Variants in FAM227B observed in about 807,000 individuals in gnomAD.
FAM227B encodes the protein family with sequence similarity 227 member B.
In FAM227B, 88 loss-of-function variants were observed where a neutral mutation model predicts 73.8. That is an observed-to-expected ratio of 1.19 (90% confidence interval 1.00 to 1.42). The LOEUF is 1.42. Among genes scored for constraint, FAM227B ranks in the 40% most tolerant of loss-of-function variants. The probability of loss-of-function intolerance (pLI) is 0.00; values close to 1 mark genes in which losing one functional copy is unlikely to be tolerated. For missense variants in FAM227B, 632 were observed against 590.9 expected (o/e 1.07, Z -0.72); for synonymous variants, 210 against 190.5 (o/e 1.10, Z -0.84).
chr15:49,386,913 T>C (rs2046917940), intron 11 of FAM227B, among the ~76,000 whole-genome samples: 1 of 151,896 alleles, frequency 6.6e-6, no homozygotes, highest in Non-Finnish European at 1.5e-5. Flanking sequence ...AATGGATGAA[T>C]TCCTGGAAAC....
At chr15:49,599,631 A>G (rs1201150750) in intron 3 of FAM227B, among the ~76,000 whole-genome samples, 1 of 152,000 alleles carries the variant, frequency 6.6e-6, no homozygotes, top group Non-Finnish European at 1.5e-5. Flanking sequence ...CATTATTTCC[A>G]TTTTCATTTA....
In FAM227B at chr15:49,414,157, T is replaced by C. The variant is rs561077068; in HGVS notation, c.1013-42758A>G. ...ATACAGAGTAAGTGTTGATTTAAAGTAATTAGCTGAGTTATCAGTTAACTA... is the reference window on the plus strand; with the variant it reads ...ATACAGAGTAAGTGTTGATTTAAAGCAATTAGCTGAGTTATCAGTTAACTA... On this transcript the variant is annotated intron_variant, in intron 11 of 15. Coordinates refer to ENST00000299338, the MANE Select transcript of FAM227B (RefSeq NM_152647.3). Among the ~76,000 whole-genome samples the C allele has an allele frequency of 1.1e-4, 17 of 152,238 alleles. No individual in the cohort carries two copies. The South Asian group carries it at 2.9e-3, about 26-fold the overall frequency.
chr15:49,328,741 T>C (rs751451584), intron 15 of FAM227B, 66 bp from the exon 16 acceptor site: 4 of 1,507,768 alleles, frequency 2.7e-6, no homozygotes, highest in African/African-American at 1.4e-5. Flanking sequence ...TGAATTTGAA[T>C]GTGAGATTTC....
intron 10 of FAM227B, among the ~76,000 whole-genome samples, chr15:49,510,765 A>C (rs1344297279): frequency 6.6e-6 from 1 of 152,114 alleles, no homozygotes; most frequent in Non-Finnish European, 1.5e-5. Flanking sequence ...TTGATGAGAA[A>C]AGATGTATAT....
chr15:49,464,378 T>C (rs771349546), intron 11 of FAM227B, among the ~76,000 whole-genome samples: 1 of 152,202 alleles, frequency 6.6e-6, no homozygotes, highest in Non-Finnish European at 1.5e-5. Flanking sequence ...AACAGTGAGA[T>C]TCCTCTAAAA....
intron 3 of FAM227B, among the ~76,000 whole-genome samples, chr15:49,610,420 T>TAAAA (rs72044107): frequency 2.5e-5 from 3 of 119,600 alleles, no homozygotes; most frequent in Non-Finnish European, 5.3e-5. Flanking sequence ...ACATTGAAAG[T>TAAAA]AAAAAAAAAA....
chr15:49,387,320 G>A (rs2046943721), intron 11 of FAM227B, among the ~76,000 whole-genome samples: 1 of 151,818 alleles, frequency 6.6e-6, no homozygotes, highest in South Asian at 2.1e-4. Context: ...TCATCCCAGG[G>A]ATGCTGGGAT....
intron 11 of FAM227B, among the ~76,000 whole-genome samples, chr15:49,372,453 C>T (rs1202376820): frequency 6.6e-6 from 1 of 152,096 alleles, no homozygotes; most frequent in East Asian, 1.9e-4. Context: ...TCTTTTGCTT[C>T]TAAGTCCAAA....
chr15:49,404,729 T>C (rs1444872922), intron 11 of FAM227B, among the ~76,000 whole-genome samples: 5 of 152,132 alleles, frequency 3.3e-5, no homozygotes, highest in Non-Finnish European at 7.4e-5. Context: ...TGCCACTCTA[T>C]GTCTTCTAAT....
At chr15:49,364,027 T>C (rs752848376) in intron 13 of FAM227B, among the ~76,000 whole-genome samples, 2 of 152,164 alleles carry the variant, frequency 1.3e-5, no homozygotes, top group Non-Finnish European at 2.9e-5. Context: ...TAGTATTTTG[T>C]TGAGAATTTT....
At position 49,476,212 on chromosome 15, in the gene FAM227B, G is replaced by GTTT. The variant is rs1567351529; in HGVS notation, c.1012+31996_1012+31998dup. Among the ~76,000 whole-genome samples the GTTT allele has an allele frequency of 4.9e-5, 4 of 81,256 alleles. 1 individual carries two copies. The highest frequency in any genetic ancestry group is 3.8e-4 in the Admixed American group (3 of 7,834). The allele number at this position is 81,256 out of a possible 152,430, so 53.3% of individuals were successfully genotyped here. A position where few individuals can be genotyped will look rare whatever the true frequency, so the allele number is the denominator to read the frequency against. On this transcript the variant is annotated intron_variant, in intron 11 of 15. Coordinates refer to ENST00000299338, the MANE Select transcript of FAM227B (RefSeq NM_152647.3). ...CTTCTGAATTCCTATTTATTTTGCTGTTTTGTTTTTTTGTTTTTGGTTTTT... is the reference window on the plus strand; with the variant it reads ...CTTCTGAATTCCTATTTATTTTGCTGTTTTTTTGTTTTTTTGTTTTTGGTTTTT...
intron 7 of FAM227B, among the ~76,000 whole-genome samples, chr15:49,575,313 CATTTT>C (rs2075378904): frequency 6.6e-6 from 1 of 151,764 alleles, no homozygotes; most frequent in Admixed American, 6.6e-5. Context: ...ATTTTAGTGA[CATTTT>C]ATTTAACCAA....
At chr15:49,384,843 ATAAT>A (rs953495827) in intron 11 of FAM227B, among the ~76,000 whole-genome samples, 5 of 152,020 alleles carry the variant, frequency 3.3e-5, no homozygotes, top group African/African-American at 1.2e-4. Context: ...TATGTTCTTT[ATAAT>A]TACTTTGACA....
At chr15:49,512,518 T>A (rs1372323855) in intron 10 of FAM227B, among the ~76,000 whole-genome samples, 8 of 152,152 alleles carry the variant, frequency 5.3e-5, no homozygotes, top group Non-Finnish European at 1.0e-4. Context: ...ATAATTGAGA[T>A]GATGTTCTTA....
rs1567382173 is a variant in FAM227B, at chr15:49,489,840, TTTATATATATATATATATTTTA to T, written c.1012+18349_1012+18370del. Among the ~76,000 whole-genome samples the T allele has an allele frequency of 6.6e-3, 144 of 21,834 alleles. 16 individuals are homozygous for T. The highest frequency in any genetic ancestry group is 0.04 in the South Asian group (20 of 494). 14.3% of individuals were successfully genotyped at this position (21,834 alleles called of 152,430 possible). A position where few individuals can be genotyped will look rare whatever the true frequency, so the allele number is the denominator to read the frequency against. ...ATATATTTTATATATATATATATATTTTATATATATATATATATTTTATATATATATATATATATATATAGAG... is the reference window on the plus strand; with the variant it reads ...ATATATTTTATATATATATATATATTTATATATATATATATATATATAGAG... On this transcript the variant is annotated intron_variant, in intron 11 of 15. Transcript: ENST00000299338.
At chr15:49,370,539 G>T (rs8025237) in intron 12 of FAM227B, among the ~76,000 whole-genome samples, 1 of 151,964 alleles carries the variant, frequency 6.6e-6, no homozygotes, top group African/African-American at 2.4e-5. Flanking sequence ...GAATAAAGTA[G>T]GAAGATATTT....
intron 11 of FAM227B, chr15:49,396,351 C>A (rs113407206): frequency 6.8e-6 from 2 of 293,608 alleles, no homozygotes; most frequent in African/African-American, 2.3e-5. Flanking sequence ...GTCCTACGCC[C>A]ACGGAGTCTC....
chr15:49,442,212 C>CA (rs1295400985), intron 11 of FAM227B, among the ~76,000 whole-genome samples: 1 of 151,520 alleles, frequency 6.6e-6, no homozygotes, highest in African/African-American at 2.4e-5. Flanking sequence ...CTATTCTAGC[C>CA]AGCCAATCTA....
chr15:49,452,348 C>T (rs931069497), intron 11 of FAM227B, among the ~76,000 whole-genome samples: 3 of 152,080 alleles, frequency 2.0e-5, no homozygotes, highest in Admixed American at 1.3e-4. Flanking sequence ...CCACTGCACC[C>T]GGCCCCAACC....
Sources: allele counts gnomAD v4.1 joint callset (sites outside exome capture counted in the v4.1 genomes callset), GRCh38; gene constraint gnomAD v4.1.1; transcripts MANE v1.5; gene names NCBI Gene and HGNC (gene_info 2026-07-23, HGNC 2026-07-21).